Variants in STK3 observed in about 807,000 individuals in gnomAD.
STK3 encodes the protein serine/threonine-protein kinase 3.
STK3 carries 41 observed loss-of-function variants against 58.0 expected under a neutral mutation model. The ratio of observed to expected loss-of-function variants is 0.71; its 90% CI spans 0.55 to 0.92. The LOEUF is 0.92. Among genes scored for constraint, STK3 ranks in the 40% least tolerant of loss-of-function variants. The pLI is 0.00. For missense variants in STK3, 479 were observed against 602.7 expected, an observed-to-expected ratio of 0.79 and a Z score of 2.15; for synonymous variants, 170 against 191.0, an observed-to-expected ratio of 0.89 and a Z score of 0.91.
chr8:98,925,744 C>G (rs1253042487), intron 1 of STK3, among the ~76,000 whole-genome samples: 2 of 152,112 alleles, frequency 1.3e-5, no homozygotes, highest in Non-Finnish European at 2.9e-5. Flanking sequence ...TGAATCAGCT[C>G]AGGAAGATGG....
intron 8 of STK3, among the ~76,000 whole-genome samples, chr8:98,578,243 C>G (rs1375353512): frequency 6.6e-6 from 1 of 152,076 alleles, no homozygotes; most frequent in Non-Finnish European, 1.5e-5. Context: ...AGAGCAAGAA[C>G]CAAGGGTCTT....
chr8:98,587,662 T>C (rs1814774154), intron 7 of STK3, among the ~76,000 whole-genome samples: 1 of 152,062 alleles, frequency 6.6e-6, no homozygotes, highest in Non-Finnish European at 1.5e-5. Flanking sequence ...TTGTTGACTT[T>C]CTGTCTCGTT....
intron 3 of STK3, among the ~76,000 whole-genome samples, chr8:98,871,430 G>A (rs1427140298): frequency 2.6e-5 from 4 of 152,126 alleles, no homozygotes; most frequent in South Asian, 4.1e-4. Context: ...AAATTTCCTT[G>A]GGCAGTATGG....
At chr8:98,632,490 G>T (rs890401019) in intron 6 of STK3, among the ~76,000 whole-genome samples, 1 of 152,132 alleles carries the variant, frequency 6.6e-6, no homozygotes, top group African/African-American at 2.4e-5. Flanking sequence ...CAATTCACTG[G>T]AGAGAAAGAC....
intron 10 of STK3, among the ~76,000 whole-genome samples, chr8:98,493,258 C>T (rs959209515): frequency 4.0e-5 from 6 of 150,730 alleles, no homozygotes; most frequent in Admixed American, 4.0e-4. Flanking sequence ...AATCATCAAG[C>T]GTTTCATATC....
chr8:98,594,624 T>C (rs1254654215), intron 7 of STK3, among the ~76,000 whole-genome samples: 3 of 151,994 alleles, frequency 2.0e-5, no homozygotes, highest in South Asian at 2.1e-4. Context: ...ATAAAATATA[T>C]ACACACACAT....
At chr8:98,721,125 C>CT (rs771347917) in intron 4 of STK3, 17 of 985,102 alleles carry the variant, frequency 1.7e-5, no homozygotes, top group Non-Finnish European at 2.0e-5. Context: ...TAATGGGTGG[C>CT]TTTATGAGCA....
intron 8 of STK3, among the ~76,000 whole-genome samples, chr8:98,572,502 A>G (rs1425816594): frequency 6.6e-6 from 1 of 152,216 alleles, no homozygotes; most frequent in East Asian, 1.9e-4. Flanking sequence ...ATTTAAGCCA[A>G]TTCACAAAAG....
intron 3 of STK3, among the ~76,000 whole-genome samples, chr8:98,418,085 A>AT (rs1339895680): frequency 3.9e-5 from 6 of 151,974 alleles, no homozygotes; most frequent in South Asian, 2.1e-4. Context: ...AATTAAAAAA[A>AT]TTTTTTTGTA....
intron 6 of STK3, among the ~76,000 whole-genome samples, chr8:98,699,860 G>C (rs1825388076): frequency 6.6e-6 from 1 of 152,190 alleles, no homozygotes; most frequent in Non-Finnish European, 1.5e-5. Context: ...CAGATCTCCA[G>C]CTGCGTGCTG....
At chr8:98,801,206 T>C (rs892932903) in intron 1 of STK3, among the ~76,000 whole-genome samples, 1 of 152,176 alleles carries the variant, frequency 6.6e-6, no homozygotes, top group African/African-American at 2.4e-5. Flanking sequence ...GCACTCTGTC[T>C]AGCTCAGGGA....
At chr8:98,840,423 T>C (rs1835926269) in intron 3 of STK3, among the ~76,000 whole-genome samples, 1 of 144,788 alleles carries the variant, frequency 6.9e-6, no homozygotes, top group Non-Finnish European at 1.5e-5. Flanking sequence ...AATACAAAAA[T>C]TACCTGGGTG....
At chr8:98,529,994 C>T (rs1341684189) in intron 9 of STK3, among the ~76,000 whole-genome samples, 1 of 152,076 alleles carries the variant, frequency 6.6e-6, no homozygotes, top group Non-Finnish European at 1.5e-5. Context: ...AAGATTAATA[C>T]TATTGAACTA....
chr8:98,603,001 G>A (rs1816484597), intron 6 of STK3, among the ~76,000 whole-genome samples: 1 of 151,848 alleles, frequency 6.6e-6, no homozygotes, highest in African/African-American at 2.4e-5. Context: ...CCCAGTAAAA[G>A]AAACCTATGC....
chr8:98,587,180 T>G (rs1343056617), intron 7 of STK3, among the ~76,000 whole-genome samples: 1 of 152,114 alleles, frequency 6.6e-6, no homozygotes, highest in East Asian at 1.9e-4. Context: ...GTTCTTTTAA[T>G]TGTGATGTTA....
chr8:98,693,759 T>C (rs1406711195), intron 6 of STK3, among the ~76,000 whole-genome samples: 1 of 152,126 alleles, frequency 6.6e-6, no homozygotes, highest in Non-Finnish European at 1.5e-5. Context: ...GACTGGGAGA[T>C]GGAAGGTGTG....
At chr8:98,815,108 G>A (rs1738246574) in intron 1 of STK3, among the ~76,000 whole-genome samples, 1 of 152,184 alleles carries the variant, frequency 6.6e-6, no homozygotes, top group South Asian at 2.1e-4. Context: ...CTGGGTATTA[G>A]GATTATAGTG....
At chr8:98,940,610 G>A (rs1840378006) in intron 1 of STK3, among the ~76,000 whole-genome samples, 1 of 152,192 alleles carries the variant, frequency 6.6e-6, no homozygotes, top group African/African-American at 2.4e-5. Flanking sequence ...AGGCCCCCGC[G>A]CCATCCGTGG....
At chr8:98,748,802 A>T (rs1829792211) in intron 4 of STK3, among the ~76,000 whole-genome samples, 1 of 151,950 alleles carries the variant, frequency 6.6e-6, no homozygotes, top group Non-Finnish European at 1.5e-5. Flanking sequence ...TCACTTTCAC[A>T]CATCCTGACA....
Sources: allele counts gnomAD v4.1 joint callset (sites outside exome capture counted in the v4.1 genomes callset), GRCh38; gene constraint gnomAD v4.1.1; transcripts MANE v1.5; gene names NCBI Gene and HGNC (gene_info 2026-07-23, HGNC 2026-07-21).